PRR16: variants seen among roughly 807,000 people sequenced by gnomAD.
The protein encoded by PRR16 is proline rich 16, also known as protein Largen.
A neutral mutation model predicts 18.2 loss-of-function variants in PRR16; 6 were observed. That is an observed-to-expected ratio of 0.33 (90% confidence interval 0.18 to 0.65). The LOEUF is 0.65. PRR16 is among the 30% of genes least tolerant of loss of function. The pLI is 0.74. For synonymous variants in PRR16, 151 were observed against 147.8 expected, an observed-to-expected ratio of 1.02 and a Z score of -0.16; for missense variants, 412 against 376.6, an observed-to-expected ratio of 1.09 and a Z score of -0.78.
chr5:120,531,926 G>T (rs1267723139), intron 1 of PRR16, among the ~76,000 whole-genome samples: 1 of 152,128 alleles, frequency 6.6e-6, no homozygotes, highest in East Asian at 1.9e-4. Context: ...AGCATGTAAT[G>T]CATTGAAGAC....
At chr5:120,473,377 G>C (rs189919747) in intron 1 of PRR16, among the ~76,000 whole-genome samples, 1 of 152,148 alleles carries the variant, frequency 6.6e-6, no homozygotes, top group Admixed American at 6.5e-5. Context: ...AGTATAGAAG[G>C]GTGAGAGCAC....
the PRR16 span, among the ~76,000 whole-genome samples, chr5:120,729,993 G>A: frequency 6.6e-6 from 1 of 152,122 alleles, no homozygotes; most frequent in Non-Finnish European, 1.5e-5. Context: ...TAGCCATATA[G>A]ACAGGGCTTT....
At chr5:120,746,805 C>T in the PRR16 span, among the ~76,000 whole-genome samples, 5 of 151,780 alleles carry the variant, frequency 3.3e-5, no homozygotes, top group South Asian at 8.3e-4. Flanking sequence ...GGAAGGGAGG[C>T]GAGGGAATAC....
At chr5:120,770,926 ACTCTCTCTCT>A in the PRR16 span, among the ~76,000 whole-genome samples, 1 of 131,362 alleles carries the variant, frequency 7.6e-6, no homozygotes, top group Admixed American at 7.6e-5. Flanking sequence ...TCATTGGAAC[ACTCTCTCTCT>A]CTCTCTCTCT....
At chr5:120,766,052 A>T in the PRR16 span, among the ~76,000 whole-genome samples, 1 of 152,076 alleles carries the variant, frequency 6.6e-6, no homozygotes, top group Non-Finnish European at 1.5e-5. Context: ...GGGCTATTAT[A>T]AACAGTAATG....
chr5:120,665,543 C>T (rs1756342027), intron 1 of PRR16, among the ~76,000 whole-genome samples: 1 of 152,084 alleles, frequency 6.6e-6, no homozygotes, highest in South Asian at 2.1e-4. Context: ...ATGTCTATGT[C>T]CTGAATGGTA....
chr5:120,623,710 G>T (rs2112826131), intron 1 of PRR16, among the ~76,000 whole-genome samples: 1 of 152,100 alleles, frequency 6.6e-6, no homozygotes, highest in Non-Finnish European at 1.5e-5. Flanking sequence ...GCATTAATTT[G>T]CCATGGATTC....
chr5:120,612,506 G>GT (rs1224766562), intron 1 of PRR16, among the ~76,000 whole-genome samples: 8 of 152,106 alleles, frequency 5.3e-5, no homozygotes, highest in African/African-American at 1.9e-4. Context: ...TGCTATTCTC[G>GT]TGACGGTGAA....
chr5:120,652,090 C>T (rs1360974771), intron 1 of PRR16, among the ~76,000 whole-genome samples: 4 of 152,066 alleles, frequency 2.6e-5, no homozygotes, highest in African/African-American at 9.7e-5. Context: ...TATTTTTATA[C>T]TTTCAAGTTC....
chr5:120,583,593 A>G (rs1753344727), intron 1 of PRR16, among the ~76,000 whole-genome samples: 1 of 152,160 alleles, frequency 6.6e-6, no homozygotes, highest in South Asian at 2.1e-4. Flanking sequence ...AGAATGAAAG[A>G]ACTGTGTCAA....
At chr5:120,476,646 A>C (rs145499864) in intron 1 of PRR16, among the ~76,000 whole-genome samples, 116 of 152,188 alleles carry the variant, frequency 7.6e-4, no homozygotes, top group African/African-American at 2.7e-3. Flanking sequence ...TTTACTCAAG[A>C]ACATCATGAA....
chr5:120,664,303 G>C (rs796603437), intron 1 of PRR16, among the ~76,000 whole-genome samples: 5 of 149,564 alleles, frequency 3.3e-5, no homozygotes, highest in East Asian at 4.1e-4. Flanking sequence ...TGTCTCAAAA[G>C]AAAACAAAAC....
intron 1 of PRR16, chr5:120,481,326 T>A: frequency 2.3e-6 from 1 of 427,284 alleles, no homozygotes; most frequent in South Asian, 1.7e-5. Flanking sequence ...AGACGGGGTT[T>A]CACTGTGTTG....
chr5:120,668,174 C>T (rs1756463145), intron 1 of PRR16, among the ~76,000 whole-genome samples: 1 of 151,182 alleles, frequency 6.6e-6, no homozygotes, highest in East Asian at 1.9e-4. Context: ...ATAGTTAGCT[C>T]TTCTTGTTGA....
At chr5:120,695,720 C>G in the PRR16 span, among the ~76,000 whole-genome samples, 1 of 152,116 alleles carries the variant, frequency 6.6e-6, no homozygotes, top group Non-Finnish European at 1.5e-5. Context: ...TCTTAATAAT[C>G]TCCCAATCTA....
At chr5:120,506,967 A>G (rs1174425182) in intron 1 of PRR16, among the ~76,000 whole-genome samples, 1 of 152,102 alleles carries the variant, frequency 6.6e-6, no homozygotes, top group Non-Finnish European at 1.5e-5. Context: ...TCAATAGAAG[A>G]AGGCAAGGCA....
At chr5:120,662,633 T>C (rs1035657498) in intron 1 of PRR16, among the ~76,000 whole-genome samples, 4 of 152,156 alleles carry the variant, frequency 2.6e-5, no homozygotes, top group South Asian at 2.1e-4. Context: ...ATAGTGTTTA[T>C]AGAGTCACCT....
intron 1 of PRR16, among the ~76,000 whole-genome samples, chr5:120,473,035 T>C (rs758090438): frequency 1.3e-5 from 2 of 152,194 alleles, no homozygotes; most frequent in Non-Finnish European, 2.9e-5. Context: ...GAAAGACATA[T>C]TGAATTCTTG....
chr5:120,645,819 A>T (rs1755573445), intron 1 of PRR16, among the ~76,000 whole-genome samples: 1 of 121,866 alleles, frequency 8.2e-6, no homozygotes, highest in South Asian at 2.7e-4. Context: ...CAGGCATTAC[A>T]TCTCGAATAA....
Sources: allele counts gnomAD v4.1 joint callset (sites outside exome capture counted in the v4.1 genomes callset), GRCh38; gene constraint gnomAD v4.1.1; transcripts MANE v1.5; gene names NCBI Gene and HGNC (gene_info 2026-07-23, HGNC 2026-07-21).